The following EPHA6 variants were observed in gnomAD, a reference collection of about 807,000 sequenced individuals.
The protein encoded by EPHA6 is ephrin type-A receptor 6.
In EPHA6, 50 loss-of-function variants were observed where a neutral mutation model predicts 112.0. That is an observed-to-expected ratio of 0.45 (90% CI 0.36 to 0.56). The LOEUF (loss-of-function observed/expected upper bound fraction) is 0.56. Among genes scored for constraint, EPHA6 ranks in the 20% least tolerant of loss-of-function variants. The probability of loss-of-function intolerance (pLI) is 0.00; values close to 1 mark genes in which losing one functional copy is unlikely to be tolerated. For missense variants in EPHA6, 1,280 were observed against 1,417.4 expected (o/e 0.90, Z 1.56); for synonymous variants, 529 against 490.7 (o/e 1.08, Z -1.03).
chr3:97,246,710 ATT>A (rs1327066745), intron 5 of EPHA6, among the ~76,000 whole-genome samples: 1 of 151,892 alleles, frequency 6.6e-6, no homozygotes, highest in Admixed American at 6.6e-5. Context: ...CAACTAAAAT[ATT>A]GTCATGTATA....
chr3:96,984,735 C>T (rs2107835110), intron 2 of EPHA6, among the ~76,000 whole-genome samples: 1 of 152,336 alleles, frequency 6.6e-6, no homozygotes, highest in Non-Finnish European at 1.5e-5. Flanking sequence ...TGTTTACCTA[C>T]TCAAGCCTCA....
chr3:96,926,985 A>C (rs1392696384), intron 2 of EPHA6, among the ~76,000 whole-genome samples: 1 of 152,228 alleles, frequency 6.6e-6, no homozygotes, highest in Non-Finnish European at 1.5e-5. Flanking sequence ...CTACCCTAGC[A>C]AAGGTTCTCC....
At chr3:97,426,418 C>T (rs1641800492) in intron 6 of EPHA6, among the ~76,000 whole-genome samples, 1 of 152,244 alleles carries the variant, frequency 6.6e-6, no homozygotes, top group Admixed American at 6.5e-5. Flanking sequence ...GGGGGAACCA[C>T]CCCCATAATT....
At chr3:97,085,546 A>C (rs1372401096) in intron 3 of EPHA6, among the ~76,000 whole-genome samples, 1 of 152,266 alleles carries the variant, frequency 6.6e-6, no homozygotes, top group East Asian at 1.9e-4. Context: ...TATGCTTTAT[A>C]TGAATTAGAC....
At chr3:97,656,315 T>C (rs2094137627) in intron 14 of EPHA6, among the ~76,000 whole-genome samples, 1 of 151,944 alleles carries the variant, frequency 6.6e-6, no homozygotes, top group Non-Finnish European at 1.5e-5. Flanking sequence ...TAAATATTAC[T>C]ACTACTGATT....
chr3:97,394,627 T>A (rs1452201932), intron 5 of EPHA6, among the ~76,000 whole-genome samples: 3 of 151,830 alleles, frequency 2.0e-5, no homozygotes, highest in Non-Finnish European at 4.4e-5. Context: ...TCTGAATAGA[T>A]ATTTTTGAAG....
chr3:97,154,723 T>C (rs1215663776), intron 3 of EPHA6, among the ~76,000 whole-genome samples: 1 of 152,198 alleles, frequency 6.6e-6, no homozygotes, highest in African/African-American at 2.4e-5. Context: ...TACTCAGATT[T>C]TGTGAACATT....
chr3:97,088,226 G>T (rs937049052), intron 3 of EPHA6, among the ~76,000 whole-genome samples: 3 of 151,916 alleles, frequency 2.0e-5, no homozygotes, highest in Non-Finnish European at 2.9e-5. Context: ...ATGTTAAGGG[G>T]GGTTAAATCA....
chr3:97,413,595 A>G (rs967577174), intron 6 of EPHA6, among the ~76,000 whole-genome samples: 2 of 152,034 alleles, frequency 1.3e-5, no homozygotes, highest in Non-Finnish European at 2.9e-5. Context: ...GTGCAATGGA[A>G]ATGAGGCTAT....
chr3:97,336,815 A>C (rs1250439717), intron 5 of EPHA6, among the ~76,000 whole-genome samples: 1 of 152,026 alleles, frequency 6.6e-6, no homozygotes, highest in East Asian at 1.9e-4. Flanking sequence ...CAGAGAAATT[A>C]ATGCAGAAAA....
At chr3:97,091,289 C>T (rs985403653) in intron 3 of EPHA6, among the ~76,000 whole-genome samples, 4 of 152,056 alleles carry the variant, frequency 2.6e-5, no homozygotes, top group African/African-American at 4.8e-5. Context: ...CAAAAGGGAT[C>T]CCCGCAAACT....
intron 3 of EPHA6, among the ~76,000 whole-genome samples, chr3:97,218,226 A>G (rs968522269): frequency 3.9e-5 from 6 of 152,050 alleles, no homozygotes; most frequent in African/African-American, 1.4e-4. Flanking sequence ...AGCTGTGATC[A>G]TGCCACTGCA....
At chr3:96,978,558 A>G (rs1286017522) in intron 2 of EPHA6, among the ~76,000 whole-genome samples, 1 of 152,146 alleles carries the variant, frequency 6.6e-6, no homozygotes, top group Non-Finnish European at 1.5e-5. Flanking sequence ...ATATCAATAT[A>G]TATTACTTTC....
intron 11 of EPHA6, chr3:97,590,104 A>G (rs898534802): frequency 6.6e-6 from 1 of 152,158 alleles, no homozygotes; most frequent in African/African-American, 2.4e-5. Flanking sequence ...ATCTCTGTTG[A>G]TATAACTGAC....
chr3:96,999,099 T>C (rs1255113023), intron 3 of EPHA6, among the ~76,000 whole-genome samples: 1 of 151,972 alleles, frequency 6.6e-6, no homozygotes, highest in Non-Finnish European at 1.5e-5. Context: ...ATCAAATTAA[T>C]CTGATTATTT....
intron 14 of EPHA6, among the ~76,000 whole-genome samples, chr3:97,645,946 T>C (rs949687890): frequency 2.0e-5 from 3 of 152,046 alleles, no homozygotes; most frequent in Non-Finnish European, 2.9e-5. Flanking sequence ...GGCTTAAAAA[T>C]AAGAAGACAT....
chr3:96,947,960 A>C, intron 2 of EPHA6, among the ~76,000 whole-genome samples: 1 of 152,168 alleles, frequency 6.6e-6, no homozygotes, highest in South Asian at 2.1e-4. Context: ...AAGCCAAAAG[A>C]ACAAAGCTGG....
chr3:97,611,112 G>C (rs1032546977), intron 13 of EPHA6, among the ~76,000 whole-genome samples: 6 of 151,670 alleles, frequency 4.0e-5, no homozygotes, highest in Non-Finnish European at 7.4e-5. Flanking sequence ...ATGTGTGTGT[G>C]TGTATACCAA....
chr3:97,318,706 A>G (rs985001396), intron 5 of EPHA6, among the ~76,000 whole-genome samples: 1 of 152,022 alleles, frequency 6.6e-6, no homozygotes, highest in Non-Finnish European at 1.5e-5. Context: ...TCTTTATTAA[A>G]GAATAAAGAA....
Sources: allele counts gnomAD v4.1 joint callset (sites outside exome capture counted in the v4.1 genomes callset), GRCh38; gene constraint gnomAD v4.1.1; transcripts MANE v1.5; gene names NCBI Gene and HGNC (gene_info 2026-07-23, HGNC 2026-07-21).